USP54: variants seen among roughly 807,000 people sequenced by gnomAD.
USP54 encodes the protein ubiquitin specific peptidase 54, also known as ubiquitin carboxyl-terminal hydrolase 54.
In USP54, 87 loss-of-function variants were observed where a neutral mutation model predicts 170.5. That is an observed-to-expected ratio of 0.51 (90% CI 0.43 to 0.61). The LOEUF (loss-of-function observed/expected upper bound fraction) is 0.61. Ranked by LOEUF, USP54 falls within the 20% of genes least tolerant of loss-of-function variation. USP54 has a pLI of 0.00. For missense variants in USP54, 1,786 were observed against 2,047.8 expected, an observed-to-expected ratio of 0.87 and a Z score of 2.47; for synonymous variants, 655 against 742.8, an observed-to-expected ratio of 0.88 and a Z score of 1.92.
At chr10:73,617,223 G>A (rs999277356) in intron 1 of USP54, among the ~76,000 whole-genome samples, 1 of 150,558 alleles carries the variant, frequency 6.6e-6, no homozygotes, top group East Asian at 1.9e-4. Context: ...TTGAAACCAG[G>A]AGGTGGAGGT....
At chr10:73,571,615 C>G (rs780581779) in intron 3 of USP54, 102 bp from the exon 4 acceptor site, 12 of 804,154 alleles carry the variant, frequency 1.5e-5, no homozygotes, top group Non-Finnish European at 2.3e-5. Context: ...CAGAAGATGT[C>G]TTTATTCCCA....
At chr10:73,558,162 G>T (rs781589503) in intron 4 of USP54, among the ~76,000 whole-genome samples, 8 of 152,138 alleles carry the variant, frequency 5.3e-5, no homozygotes, top group Admixed American at 6.5e-5. Flanking sequence ...TTACAGGCAT[G>T]AGCCACCACG....
chr10:73,512,218 C>T (rs565659343), intron 20 of USP54, among the ~76,000 whole-genome samples: 8 of 152,152 alleles, frequency 5.3e-5, no homozygotes, highest in African/African-American at 1.9e-4. Context: ...CAGCTCGCCG[C>T]AGCCTCAACC....
At position 73,526,406 on chromosome 10, in the gene USP54, C is replaced by A. The variant is rs560244053; in HGVS notation, c.2194+241G>T. 2.0e-5 allele frequency among the ~76,000 whole-genome samples: 3 copies of A among 152,294 alleles called. No homozygotes were observed. In the South Asian group the frequency reaches 6.2e-4, roughly 32 times the overall value. On this transcript the variant is annotated intron_variant, in intron 16 of 23. Transcript: ENST00000687698. ...GGGACTACAGGTGCACGCCGCTACGCTGGTTAATTTTTTGTATTTTAGTAG... is the reference window on the plus strand; with the variant it reads ...GGGACTACAGGTGCACGCCGCTACGATGGTTAATTTTTTGTATTTTAGTAG...
intron 1 of USP54, among the ~76,000 whole-genome samples, chr10:73,617,211 G>A (rs1350997288): frequency 3.3e-5 from 5 of 150,464 alleles, no homozygotes; most frequent in Admixed American, 6.6e-5. Flanking sequence ...CAGGAGAATC[G>A]CTTGAAACCA....
chr10:73,605,535 A>T (rs1157006590), intron 1 of USP54, among the ~76,000 whole-genome samples: 1 of 152,126 alleles, frequency 6.6e-6, no homozygotes, highest in Non-Finnish European at 1.5e-5. Flanking sequence ...TCAAAAAATA[A>T]ATAAAGAGAT....
chr10:73,588,059 C>T (rs2132188288), intron 1 of USP54, among the ~76,000 whole-genome samples: 1 of 152,302 alleles, frequency 6.6e-6, no homozygotes, highest in East Asian at 1.9e-4. Context: ...TCCCCCATCT[C>T]TCTTTCTCTT....
chr10:73,578,343 G>A (rs1316419857), intron 1 of USP54, among the ~76,000 whole-genome samples: 1 of 152,190 alleles, frequency 6.6e-6, no homozygotes, highest in Non-Finnish European at 1.5e-5. Context: ...GAAGATATGT[G>A]AGGAGGGGAA....
At chr10:73,534,341 G>T (rs2064760077) in intron 12 of USP54, among the ~76,000 whole-genome samples, 1 of 152,014 alleles carries the variant, frequency 6.6e-6, no homozygotes, top group South Asian at 2.1e-4. Flanking sequence ...CGAGTAGGTA[G>T]GACTACAGGT....
rs1172382659 is a variant in USP54, at chr10:73,529,676, A to G, written c.2060+4T>C. ...AATGTTGCTGTTCAAAGGCCAAACA[A>G]TACCTGTAGACATTTGAGCTCTCAG... On this transcript the variant is annotated splice_donor_region_variant and intron_variant, in intron 15 of 23. Transcript: ENST00000687698. 2 of 1,614,218 alleles carry G rather than the reference A, an allele frequency of 1.2e-6. No individual in the cohort carries two copies. Among genetic ancestry groups the G allele is most frequent in the Non-Finnish European group, 1.7e-6 (2 of 1,180,024 alleles).
At chr10:73,530,941 C>A in intron 12 of USP54, 106 bp from the exon 13 acceptor site, 2 of 1,493,720 alleles carry the variant, frequency 1.3e-6, no homozygotes, top group Non-Finnish European at 1.8e-6. Context: ...TTAGAGTACC[C>A]ATGGAACAGA....
chr10:73,530,080 GT>G (rs1360211417), intron 14 of USP54, 62 bp downstream of exon 14: 3 of 1,532,866 alleles, frequency 2.0e-6, no homozygotes, highest in Non-Finnish European at 2.6e-6. Flanking sequence ...AAAAACCCAG[GT>G]TTTAAAAAGA....
At chr10:73,518,402 T>C (rs1319918903) in intron 19 of USP54, among the ~76,000 whole-genome samples, 4 of 152,200 alleles carry the variant, frequency 2.6e-5, no homozygotes, top group Non-Finnish European at 5.9e-5. Context: ...CTGTATTTAG[T>C]TGGTTTCTCA....
chr10:73,624,158 CCA>C (rs1491445847), intron 1 of USP54, among the ~76,000 whole-genome samples: 1 of 33,006 alleles, frequency 3.0e-5, no homozygotes, highest in Non-Finnish European at 6.6e-5. Flanking sequence ...TTTTTAAAAG[CCA>C]TATATATATA....
intron 1 of USP54, among the ~76,000 whole-genome samples, chr10:73,613,259 G>A (rs1321974452): frequency 6.6e-6 from 1 of 151,094 alleles, no homozygotes; most frequent in Non-Finnish European, 1.5e-5. Flanking sequence ...AGCATCCGGA[G>A]TAGCTGGGAC....
Position 73,547,627 on chromosome 10 carries a change from T to C in USP54, c.241-1955A>G, listed in dbSNP as rs567148194. 5.8e-4 allele frequency among the ~76,000 whole-genome samples: 89 copies of C among 152,216 alleles called. 1 individual carries two copies. The highest frequency in any genetic ancestry group is 6.2e-4 in the South Asian group (3 of 4,822). On this transcript the variant is annotated intron_variant, in intron 4 of 23. Transcript: ENST00000687698. ...TGACAAACCTGACAAAATCAAGAAA[T>C]GGGAAAGGATTTCCTATTTAATAAA...
At chr10:73,571,359 C>T in intron 4 of USP54, 62 bp downstream of exon 4, 1 of 1,417,768 alleles carries the variant, frequency 7.1e-7, no homozygotes, top group South Asian at 1.2e-5. Context: ...AACCAAACCA[C>T]CTTGATATTG....
intron 4 of USP54, among the ~76,000 whole-genome samples, chr10:73,547,868 A>G (rs2068222897): frequency 1.3e-5 from 2 of 152,220 alleles, no homozygotes; most frequent in South Asian, 4.1e-4. Flanking sequence ...AATAAAAGCC[A>G]AAATACACAA....
intron 3 of USP54, among the ~76,000 whole-genome samples, chr10:73,574,632 C>T (rs1012739409): frequency 6.6e-6 from 1 of 151,870 alleles, no homozygotes; most frequent in Non-Finnish European, 1.5e-5. Context: ...CAAAAATTAG[C>T]CGGGTGTGGT....
Sources: allele counts gnomAD v4.1 joint callset (sites outside exome capture counted in the v4.1 genomes callset), GRCh38; gene constraint gnomAD v4.1.1; transcripts MANE v1.5; gene names NCBI Gene and HGNC (gene_info 2026-07-23, HGNC 2026-07-21).